GRIA4: variants seen among roughly 807,000 people sequenced by gnomAD.
The protein encoded by GRIA4 is glutamate receptor 4.
Under a neutral mutation model 104.0 loss-of-function variants are expected in GRIA4, and 34 were observed. The observed-to-expected ratio is 0.33, with a 90% CI of 0.25 to 0.44. GRIA4 has a LOEUF of 0.44. Among genes scored for constraint, GRIA4 ranks in the 20% least tolerant of loss-of-function variants. GRIA4 has a pLI of 1.00. For synonymous variants in GRIA4, 386 were observed against 381.9 expected (o/e 1.01, Z -0.13); for missense variants, 750 against 1,096.5 (o/e 0.68, Z 4.46).
chr11:105,929,891 A>G (rs1018169272), intron 13 of GRIA4, among the ~76,000 whole-genome samples: 2 of 152,168 alleles, frequency 1.3e-5, no homozygotes, highest in African/African-American at 4.8e-5. Context: ...GCAATAAAAC[A>G]GTGTTTTAGA....
intron 4 of GRIA4, among the ~76,000 whole-genome samples, chr11:105,844,781 T>C (rs1467422598): frequency 6.6e-6 from 1 of 152,230 alleles, no homozygotes; most frequent in Non-Finnish European, 1.5e-5. Context: ...CTATTAGTAC[T>C]ACTACCACTA....
At position 105,623,048 on chromosome 11, in the gene GRIA4, C is replaced by T. The variant is rs988063721; in HGVS notation, c.247+10614C>T. Reference sequence around the variant, plus strand: ...TTCTTTTTTATGGCCAAGTAGTATTCCATTGTATATATATATATATATATA... The same window carrying T: ...TTCTTTTTTATGGCCAAGTAGTATTTCATTGTATATATATATATATATATA... On this transcript the variant is annotated intron_variant, in intron 3 of 16. Coordinates refer to ENST00000282499, the MANE Select transcript of GRIA4 (RefSeq NM_000829.4). Among the ~76,000 whole-genome samples, 372 of 112,924 alleles carry T rather than the reference C, an allele frequency of 3.3e-3. 1 individual carries two copies. Among genetic ancestry groups the T allele is most frequent in the Non-Finnish European group, 4.4e-3 (244 of 54,886 alleles). The allele number at this position is 112,924 out of a possible 152,430, so 74.1% of individuals were successfully genotyped here.
intron 7 of GRIA4, among the ~76,000 whole-genome samples, chr11:105,898,697 A>G (rs1257248100): frequency 6.6e-6 from 1 of 152,104 alleles, no homozygotes; most frequent in African/African-American, 2.4e-5. Context: ...AATTTTTTTT[A>G]ATTGTTAACT....
intron 3 of GRIA4, among the ~76,000 whole-genome samples, chr11:105,727,595 T>C (rs775212349): frequency 3.3e-5 from 5 of 151,774 alleles, no homozygotes; most frequent in Non-Finnish European, 7.4e-5. Flanking sequence ...AAGGTTGAAA[T>C]GAAGGAAAAA....
At chr11:105,881,094 C>T (rs1199108314) in intron 5 of GRIA4, among the ~76,000 whole-genome samples, 1 of 152,076 alleles carries the variant, frequency 6.6e-6, no homozygotes, top group Non-Finnish European at 1.5e-5. Context: ...AAGCAAATTG[C>T]CATCTGGGTG....
intron 3 of GRIA4, among the ~76,000 whole-genome samples, chr11:105,752,560 T>C (rs1745560054): frequency 1.3e-5 from 2 of 152,226 alleles, no homozygotes; most frequent in African/African-American, 4.8e-5. Flanking sequence ...TAAATGTTCC[T>C]TCAATTAATA....
intron 6 of GRIA4, among the ~76,000 whole-genome samples, chr11:105,893,512 C>A (rs12287400): frequency 1.4e-3 from 207 of 152,284 alleles, no homozygotes; most frequent in Middle Eastern, 6.8e-3. Context: ...GAGCCACCCA[C>A]TATTCATTGA....
chr11:105,924,890 C>A, intron 12 of GRIA4, 121 bp downstream of exon 12: 2 of 713,440 alleles, frequency 2.8e-6, no homozygotes, highest in Non-Finnish European at 4.5e-6. Context: ...CAGAAAAAGA[C>A]TTGCAATTCC....
rs143586475 is a variant in GRIA4 at position 105,736,405 on chromosome 11, A to G, written c.248-16576A>G. On this transcript the variant is annotated intron_variant, in intron 3 of 16. Transcript: ENST00000282499. ...AAAATATGGCTGTATATGTTGGAAAATGTTATATTTGAAATACTCATGATT... is the reference window on the plus strand; with the variant it reads ...AAAATATGGCTGTATATGTTGGAAAGTGTTATATTTGAAATACTCATGATT... 4.3e-4 allele frequency among the ~76,000 whole-genome samples: 65 copies of G among 152,282 alleles called. No homozygotes were observed. The East Asian group carries it at 0.012, about 29-fold the overall frequency.
chr11:105,913,793 A>T (rs1268793658), intron 10 of GRIA4, among the ~76,000 whole-genome samples: 1 of 152,068 alleles, frequency 6.6e-6, no homozygotes, highest in Non-Finnish European at 1.5e-5. Context: ...GCATTGCTCA[A>T]CTACAAAGAT....
chr11:105,938,143 G>T (rs1948094846), intron 14 of GRIA4, among the ~76,000 whole-genome samples: 1 of 152,178 alleles, frequency 6.6e-6, no homozygotes, highest in African/African-American at 2.4e-5. Context: ...TTCCACTTTA[G>T]AGAATTTGCT....
At chr11:105,717,686 C>G (rs941451025) in intron 3 of GRIA4, among the ~76,000 whole-genome samples, 5 of 151,720 alleles carry the variant, frequency 3.3e-5, no homozygotes, top group African/African-American at 1.2e-4. Flanking sequence ...TTAAGTACAG[C>G]CTTTGTTCTC....
chr11:105,618,515 A>C (rs747308904), intron 3 of GRIA4, among the ~76,000 whole-genome samples: 54 of 151,936 alleles, frequency 3.6e-4, no homozygotes, highest in Non-Finnish European at 6.9e-4. Context: ...GTGTGGTAAA[A>C]ATAAAAGATG....
intron 4 of GRIA4, among the ~76,000 whole-genome samples, chr11:105,793,126 A>G (rs1375342033): frequency 6.6e-6 from 1 of 152,198 alleles, no homozygotes; most frequent in Non-Finnish European, 1.5e-5. Flanking sequence ...ACATTTATAG[A>G]GAACTACCAA....
chr11:105,958,765 A>G (rs1344686237), intron 14 of GRIA4, among the ~76,000 whole-genome samples: 1 of 151,856 alleles, frequency 6.6e-6, no homozygotes. Flanking sequence ...TCCCTTCCAT[A>G]TTTAGTGTTT....
intron 3 of GRIA4, among the ~76,000 whole-genome samples, chr11:105,661,332 T>C (rs1280047405): frequency 1.3e-5 from 2 of 151,092 alleles, no homozygotes; most frequent in Non-Finnish European, 3.0e-5. Context: ...ATAAAATGAG[T>C]ATTGGTTTGT....
intron 10 of GRIA4, chr11:105,913,562 G>T: frequency 3.7e-6 from 3 of 808,276 alleles, no homozygotes; most frequent in Non-Finnish European, 3.0e-6. Flanking sequence ...ATAACCCAAA[G>T]AAGCCAAATC....
In GRIA4 at chr11:105,898,360, T is replaced by C. The variant is rs1313780237; in HGVS notation, c.818T>C (p.Ile273Thr). The change falls in exon 7 of 17, where the codon ATC (isoleucine) becomes ACC (threonine). Residue 273 changes from isoleucine to threonine, a missense_variant. Around this residue, in one of 3 missense-constraint regions of GRIA4, gnomAD observed 410 missense variants for 502.7 expected, o/e 0.82. Transcript: ENST00000282499. ...QLVDFNTPMV[I>T]KLMDRWKKLD... ...GTGGATTTTAATACACCTATGGTAATCAAACTAATGGATCGCTGGAAGAAA... is the reference window on the plus strand; with the variant it reads ...GTGGATTTTAATACACCTATGGTAACCAAACTAATGGATCGCTGGAAGAAA... 1.9e-6 allele frequency: 3 copies of C among 1,587,410 alleles called. No homozygotes were observed. The highest frequency in any genetic ancestry group is 3.3e-5 in the Admixed American group (2 of 59,930).
chr11:105,897,645 T>C lies in GRIA4; in HGVS notation c.727-624T>C, dbSNP rs985423145. 1.3e-4 allele frequency among the ~76,000 whole-genome samples: 20 copies of C among 152,208 alleles called. 1 individual carries two copies. The highest frequency in any genetic ancestry group is 3.4e-4 in the African/African-American group (14 of 41,468). ...TATGTTGCATTTTATCAAATGCTTTTTACTGTATCTGTTGGGAGGATCGTA... is the reference window on the plus strand; with the variant it reads ...TATGTTGCATTTTATCAAATGCTTTCTACTGTATCTGTTGGGAGGATCGTA... On this transcript the variant is annotated intron_variant, in intron 6 of 16. Transcript: ENST00000282499.
Sources: gnomAD v4.1 joint callset for allele counts (sites outside exome capture counted in the v4.1 genomes callset) on GRCh38, gnomAD v4.1.1 for gene constraint, gnomAD v4.1.1 regional missense constraint, MANE v1.5 for transcripts, NCBI Gene and HGNC (gene_info 2026-07-23, HGNC 2026-07-21) for gene names.